The following NOP14 variants were observed in gnomAD, a reference collection of about 807,000 sequenced individuals.
NOP14 encodes NOP14 nucleolar protein, also known as nucleolar protein 14.
In NOP14, 57 loss-of-function variants were observed where a neutral mutation model predicts 101.6. The ratio of observed to expected loss-of-function variants is 0.56; its 90% CI spans 0.45 to 0.70. The LOEUF (loss-of-function observed/expected upper bound fraction) is 0.70. Ranked by LOEUF, NOP14 falls within the 30% of genes least tolerant of loss-of-function variation. The pLI, the probability that NOP14 is intolerant of heterozygous loss-of-function variation, is 0.00. For missense variants in NOP14, 1,134 were observed against 1,075.5 expected (o/e 1.05, Z -0.76); for synonymous variants, 428 against 424.0 (o/e 1.01, Z -0.12).
At chr4:2,939,864 T>C (rs1282261717) in intron 15 of NOP14, among the ~76,000 whole-genome samples, 1 of 152,186 alleles carries the variant, frequency 6.6e-6, no homozygotes, top group African/African-American at 2.4e-5. Flanking sequence ...AAAGCCACTG[T>C]CTTCTTGAAG....
intron 4 of NOP14, 109 bp downstream of exon 4, chr4:2,954,315 A>T: frequency 7.9e-7 from 1 of 1,268,994 alleles, no homozygotes; most frequent in Non-Finnish European, 1.1e-6. Flanking sequence ...CTGAACTCAT[A>T]TAAAATATTA....
At chr4:2,953,900 T>C (rs1715178977) in intron 4 of NOP14, among the ~76,000 whole-genome samples, 1 of 152,198 alleles carries the variant, frequency 6.6e-6, no homozygotes, top group Non-Finnish European at 1.5e-5. Flanking sequence ...AAAAAAGTGA[T>C]TTTTTGGGCA....
chr4:2,954,750 T>C (rs1157412073), intron 3 of NOP14, among the ~76,000 whole-genome samples, 187 bp from the exon 4 acceptor site: 1 of 152,140 alleles, frequency 6.6e-6, no homozygotes, highest in East Asian at 1.9e-4. Context: ...ATACCCAAGG[T>C]AAGCCACTCT....
intron 1 of NOP14, among the ~76,000 whole-genome samples, chr4:2,961,145 T>C (rs1325356035): frequency 2.0e-5 from 1 of 49,076 alleles, no homozygotes; most frequent in South Asian, 6.3e-4. Context: ...ATTAATATAC[T>C]AATATAATAA....
At chr4:2,962,375 T>G (rs187524624) in intron 1 of NOP14, among the ~76,000 whole-genome samples, 3 of 152,270 alleles carry the variant, frequency 2.0e-5, no homozygotes, top group Admixed American at 6.5e-5. Flanking sequence ...CTTCGCGCAG[T>G]AAGGATAATA....
intron 1 of NOP14, among the ~76,000 whole-genome samples, chr4:2,959,518 G>T (rs556555047): frequency 6.6e-6 from 1 of 152,126 alleles, no homozygotes; most frequent in East Asian, 1.9e-4. Context: ...GCGTGAACCC[G>T]GGAAGTGGAG....
At chr4:2,946,900 T>C (rs890287277) in intron 10 of NOP14, 4 of 296,434 alleles carry the variant, frequency 1.3e-5, no homozygotes, top group African/African-American at 4.4e-5. Context: ...CCTCCATGCA[T>C]GCAGAAGATG....
At chr4:2,949,397 G>A (rs1429591089) in intron 8 of NOP14, among the ~76,000 whole-genome samples, 2 of 152,108 alleles carry the variant, frequency 1.3e-5, no homozygotes, top group African/African-American at 4.8e-5. Flanking sequence ...TAGAGACGAG[G>A]TTTCGCAATG....
At position 2,938,087 on chromosome 4, in the gene NOP14, A is replaced by G; in HGVS notation, c.*744T>C. On this transcript the variant is annotated 3_prime_UTR_variant, in exon 18 of 18. Coordinates refer to ENST00000416614, the MANE Select transcript of NOP14 (RefSeq NM_001291978.2). ...CAGTGAACCAGTCGCAGCTGATAAC[A>G]CACAGACCATTCCCGATCCCAGAGG... The G allele has an allele frequency of 2.5e-6, 2 of 801,864 alleles. No individual in the cohort carries two copies. Among genetic ancestry groups the G allele is most frequent in the Non-Finnish European group, 3.5e-6 (2 of 569,384 alleles). 49.7% of individuals were successfully genotyped at this position (801,864 alleles called of 1,614,324 possible).
At chr4:2,945,408 T>C (rs1264869865) in intron 11 of NOP14, among the ~76,000 whole-genome samples, 179 bp from the exon 12 acceptor site, 1 of 152,112 alleles carries the variant, frequency 6.6e-6, no homozygotes, top group East Asian at 1.9e-4. Flanking sequence ...GTCAACCAGC[T>C]AAACGTGCAG....
intron 7 of NOP14, chr4:2,950,729 T>C (rs1342135221): frequency 5.1e-6 from 1 of 197,062 alleles, no homozygotes; most frequent in African/African-American, 2.3e-5. Context: ...GGAAACTCAA[T>C]GACATCACTC....
intron 10 of NOP14, chr4:2,947,183 T>G: frequency 3.0e-6 from 1 of 331,016 alleles, no homozygotes; most frequent in Non-Finnish European, 5.6e-6. Flanking sequence ...AGGGGCGGGG[T>G]GTCTACCGTG....
chr4:2,939,717 T>C, intron 15 of NOP14, 72 bp from the exon 16 acceptor site: 1 of 1,175,550 alleles, frequency 8.5e-7, no homozygotes, highest in Non-Finnish European at 1.3e-6. Flanking sequence ...GCACGGGTTC[T>C]GTGGTGTCAA....
At chr4:2,946,288 G>C in intron 11 of NOP14, 124 bp downstream of exon 11, 1 of 1,103,474 alleles carries the variant, frequency 9.1e-7, no homozygotes, top group Non-Finnish European at 1.3e-6. Context: ...CTGCCGTGCA[G>C]CTCACTCCAC....
chr4:2,947,692 G>A (rs1714750074), intron 9 of NOP14, 81 bp from the exon 10 acceptor site: 4 of 1,147,496 alleles, frequency 3.5e-6, no homozygotes, highest in South Asian at 1.2e-5. Context: ...TCTGGATCAC[G>A]TACATTCTGG....
At chr4:2,947,659 A>T in intron 9 of NOP14, 48 bp from the exon 10 acceptor site, 1 of 1,473,366 alleles carries the variant, frequency 6.8e-7, no homozygotes, top group South Asian at 1.1e-5. Flanking sequence ...CAGCACCAAG[A>T]ACAAAGCCAC....
In NOP14 at chr4:2,941,550, G is replaced by C. The variant is rs200485066; in HGVS notation, c.2199+32C>G. On this transcript the variant is annotated intron_variant, in intron 15 of 17. Coordinates refer to ENST00000416614, the MANE Select transcript of NOP14 (RefSeq NM_001291978.2). ...CAGCTCAGGGACATGTCTGAGCCCA[G>C]GCAGAGCACCCTAGTGGCCGGGAAG... 1.9e-6 allele frequency: 3 copies of C among 1,604,926 alleles called. 1 individual carries two copies. Among genetic ancestry groups the C allele is most frequent in the East Asian group, 2.2e-5 (1 of 44,738 alleles).
chr4:2,955,044 CCCCTCTAGTCACCTGCACGCCACGGCGCT>C (rs1715251627), intron 3 of NOP14, among the ~76,000 whole-genome samples: 1 of 144,716 alleles, frequency 6.9e-6, no homozygotes, highest in African/African-American at 2.6e-5. Flanking sequence ...GCCACGGCGC[CCCCTCTAGTCACCTGCACGCCACGGCGCT>C]CCCTCTAGTC....
intron 13 of NOP14, among the ~76,000 whole-genome samples, 170 bp from the exon 14 acceptor site, chr4:2,942,521 G>T (rs1714287071): frequency 6.6e-6 from 1 of 152,226 alleles, no homozygotes; most frequent in Non-Finnish European, 1.5e-5. Flanking sequence ...GGACACCTCA[G>T]GGGAGGGGAA....
Sources: gnomAD v4.1 joint callset for allele counts (sites outside exome capture counted in the v4.1 genomes callset) on GRCh38, gnomAD v4.1.1 for gene constraint, MANE v1.5 for transcripts, NCBI Gene and HGNC (gene_info 2026-07-23, HGNC 2026-07-21) for gene names.